The following NAV2 variants were observed in gnomAD, a reference collection of about 807,000 sequenced individuals.
NAV2 encodes helicase, APC down-regulated 1.
In NAV2, 54 loss-of-function variants were observed where a neutral mutation model predicts 223.2. The observed-to-expected ratio is 0.24, with a 90% CI of 0.19 to 0.30. The LOEUF is 0.30. Among genes scored for constraint, NAV2 ranks in the 10% least tolerant of loss-of-function variants. The pLI is 1.00. For missense variants in NAV2, 2,806 were observed against 3,147.5 expected (o/e 0.89, Z 2.60); for synonymous variants, 1,279 against 1,239.3 (o/e 1.03, Z -0.67).
At chr11:19,698,227 T>G (rs368358702) in intron 1 of NAV2, among the ~76,000 whole-genome samples, 2 of 152,210 alleles carry the variant, frequency 1.3e-5, no homozygotes, top group African/African-American at 4.8e-5. Context: ...TCTAGGAAGC[T>G]CACTTTTCTC....
chr11:20,014,407 T>C (rs1241791438), intron 11 of NAV2, among the ~76,000 whole-genome samples: 2 of 152,168 alleles, frequency 1.3e-5, no homozygotes, highest in East Asian at 3.9e-4. Flanking sequence ...CTTAATAAAA[T>C]ATAGATCCTC....
chr11:19,861,945 T>A (rs2585785), intron 3 of NAV2, among the ~76,000 whole-genome samples: 70,644 of 152,044 alleles, frequency 0.46, 16,431 homozygotes, highest in South Asian at 0.56. Context: ...TGAGTATCTT[T>A]TGGGAGCCTC....
rs75707801 is a variant in NAV2, at chr11:19,497,170, C to T, written c.75+146143C>T. On this transcript the variant is annotated intron_variant, in intron 1 of 37. Transcript: ENST00000360655. ...GTTTTACTTTGAGCAAGTTTCTTCA[C>T]CTCTCTGTGCATCTCCTTCTACTTC... Among the ~76,000 whole-genome samples, 760 of 152,330 alleles carry T rather than the reference C, an allele frequency of 5.0e-3. 6 individuals carry two copies. The highest frequency in any genetic ancestry group is 0.017 in the African/African-American group (705 of 41,576).
chr11:19,457,211 CAT>C (rs1171992558), intron 1 of NAV2, among the ~76,000 whole-genome samples: 3 of 152,132 alleles, frequency 2.0e-5, no homozygotes, highest in African/African-American at 7.2e-5. Context: ...GCAGCAATGT[CAT>C]TTTAAGGAAG....
At chr11:19,921,945 G>GTGTGTGTGTGT (rs551517414) in intron 6 of NAV2, among the ~76,000 whole-genome samples, 1 of 152,030 alleles carries the variant, frequency 6.6e-6, no homozygotes, top group South Asian at 2.1e-4. Flanking sequence ...TGTGTGTGTG[G>GTGTGTGTGTGT]GTATATAAAT....
chr11:19,618,408 G>GGATA (rs1565105328), intron 1 of NAV2, among the ~76,000 whole-genome samples: 4 of 142,116 alleles, frequency 2.8e-5, no homozygotes, highest in African/African-American at 1.1e-4. Context: ...ATAGATGGAT[G>GGATA]GATGGATGGA....
intron 1 of NAV2, among the ~76,000 whole-genome samples, chr11:19,401,250 TG>T (rs796237281): frequency 1.8e-4 from 28 of 152,362 alleles, no homozygotes; most frequent in African/African-American, 6.5e-4. Flanking sequence ...ACAAAAGCAT[TG>T]AATGACCAAA....
intron 10 of NAV2, among the ~76,000 whole-genome samples, chr11:19,966,791 A>G (rs996058106): frequency 1.3e-5 from 2 of 152,130 alleles, no homozygotes; most frequent in Non-Finnish European, 2.9e-5. Context: ...GGCTTCTCTT[A>G]TGTTCTTTGG....
intron 1 of NAV2, among the ~76,000 whole-genome samples, chr11:19,647,728 C>T (rs1453094582): frequency 1.3e-5 from 2 of 152,068 alleles, no homozygotes; most frequent in Non-Finnish European, 2.9e-5. Flanking sequence ...GGGAGAAAGT[C>T]AAGGCTTCTG....
intron 20 of NAV2, among the ~76,000 whole-genome samples, chr11:20,064,375 A>G (rs937499604): frequency 6.6e-6 from 1 of 152,062 alleles, no homozygotes. Context: ...GGGACATGGG[A>G]CTCTAGCTTC....
intron 1 of NAV2, chr11:19,503,435 T>A (rs1014421059): frequency 4.6e-4 from 70 of 152,172 alleles, no homozygotes; most frequent in African/African-American, 1.6e-3. Context: ...GCCCTAAAAG[T>A]CCTCTGTGCT....
chr11:19,735,797 T>C (rs2052232706), intron 1 of NAV2, among the ~76,000 whole-genome samples: 1 of 152,124 alleles, frequency 6.6e-6, no homozygotes. Flanking sequence ...CAGGGTAAAA[T>C]GCAGAGAAAT....
chr11:19,425,725 G>A (rs989397559), intron 1 of NAV2, among the ~76,000 whole-genome samples: 11 of 152,134 alleles, frequency 7.2e-5, no homozygotes, highest in African/African-American at 2.7e-4. Context: ...AACCATTATG[G>A]TTTTAACCCT....
intron 1 of NAV2, among the ~76,000 whole-genome samples, chr11:19,728,790 A>G (rs1468281278): frequency 6.6e-6 from 1 of 152,242 alleles, no homozygotes; most frequent in Non-Finnish European, 1.5e-5. Context: ...AATCCTCTCA[A>G]GAAAAGTCCA....
At chr11:19,609,641 C>A (rs368512726) in intron 1 of NAV2, among the ~76,000 whole-genome samples, 2 of 152,278 alleles carry the variant, frequency 1.3e-5, no homozygotes, top group East Asian at 3.9e-4. Context: ...ATCATGTGTA[C>A]CCCAAGGGCT....
chr11:20,051,970 G>A (rs1165905249), intron 17 of NAV2, among the ~76,000 whole-genome samples: 2 of 152,146 alleles, frequency 1.3e-5, no homozygotes, highest in Non-Finnish European at 2.9e-5. Flanking sequence ...CGTTTTTGGT[G>A]CTAGTCCTGG....
intron 12 of NAV2, among the ~76,000 whole-genome samples, chr11:20,042,965 C>T (rs1464013816): frequency 1.3e-5 from 2 of 152,118 alleles, no homozygotes; most frequent in Admixed American, 1.3e-4. Context: ...GGTTTTATGG[C>T]CAGCAGGTCA....
chr11:19,985,098 G>A (rs1019830517), intron 11 of NAV2, among the ~76,000 whole-genome samples: 6 of 152,278 alleles, frequency 3.9e-5, no homozygotes, highest in Non-Finnish European at 7.3e-5. Context: ...AATGACCATA[G>A]ACTTTTTGGG....
chr11:19,871,103 C>T (rs1219740824), intron 4 of NAV2, among the ~76,000 whole-genome samples: 2 of 152,110 alleles, frequency 1.3e-5, no homozygotes, highest in African/African-American at 4.8e-5. Flanking sequence ...GTGGTACAAC[C>T]ATGAAGGAGT....
Sources: allele counts gnomAD v4.1 joint callset (sites outside exome capture counted in the v4.1 genomes callset), GRCh38; gene constraint gnomAD v4.1.1; transcripts MANE v1.5; gene names NCBI Gene and HGNC (gene_info 2026-07-23, HGNC 2026-07-21).